The following AOAH variants were observed in gnomAD, a reference collection of about 807,000 sequenced individuals.
AOAH encodes acyloxyacyl hydrolase (neutrophil).
A neutral mutation model predicts 92.2 loss-of-function variants in AOAH; 64 were observed. The observed-to-expected ratio is 0.69, with a 90% CI of 0.57 to 0.86. The LOEUF is 0.86. Among genes scored for constraint, AOAH ranks in the 40% least tolerant of loss-of-function variants. The pLI, the probability that AOAH is intolerant of heterozygous loss-of-function variation, is 0.00. For missense variants in AOAH, 656 were observed against 694.6 expected (o/e 0.94, Z 0.62); for synonymous variants, 263 against 254.5 (o/e 1.03, Z -0.32).
chr7:36,557,512 C>T (rs1402453078), intron 13 of AOAH, among the ~76,000 whole-genome samples: 1 of 152,062 alleles, frequency 6.6e-6, no homozygotes, highest in Non-Finnish European at 1.5e-5. Flanking sequence ...TCTGTATTTC[C>T]TGAATCTGAA....
intron 20 of AOAH, among the ~76,000 whole-genome samples, chr7:36,519,151 C>T (rs1783979340): frequency 6.6e-6 from 1 of 152,216 alleles, no homozygotes; most frequent in Non-Finnish European, 1.5e-5. Context: ...TGAGAACATC[C>T]AGTGGCTCCC....
At chr7:36,513,417 A>G in intron 20 of AOAH, 37 bp from the exon 21 acceptor site, 1 of 1,598,220 alleles carries the variant, frequency 6.3e-7, no homozygotes, top group South Asian at 1.1e-5. Flanking sequence ...GAAAAGGGAA[A>G]TTAGGACAAA....
At chr7:36,617,226 T>C (rs1021616417) in intron 10 of AOAH, among the ~76,000 whole-genome samples, 1 of 152,200 alleles carries the variant, frequency 6.6e-6, no homozygotes, top group Middle Eastern at 3.2e-3. Context: ...TGGAAACCAC[T>C]ATTTGGCCAC....
Position 36,724,048 on chromosome 7 carries a change from C to G in AOAH, c.101G>C (p.Ser34Thr). 1 of 1,613,662 alleles carries G rather than the reference C, an allele frequency of 6.2e-7. No individual in the cohort carries two copies. The highest frequency in any genetic ancestry group is 1.1e-5 in the South Asian group (1 of 91,064). Residue 34 changes from serine (S) to threonine (T), a missense_variant, in exon 1 of 21, where the codon AGC (serine) becomes ACC (threonine). Coordinates refer to ENST00000617537, the MANE Select transcript of AOAH (RefSeq NM_001637.4). ...SPANDDQSRPSLSNGHTCVGC... is the reference protein window; with the variant it reads ...SPANDDQSRPTLSNGHTCVGC... ...TACACAGGTGTGCCCATTCGAGAGG[C>G]TGGGCCTGGACTGGTCATCGTTGGC... is the stretch of plus-strand genomic sequence containing the variant.
chr7:36,616,511 C>G (rs780268499), intron 10 of AOAH, 37 bp from the exon 11 acceptor site: 1 of 1,577,906 alleles, frequency 6.3e-7, no homozygotes, highest in Non-Finnish European at 8.7e-7. Context: ...TTTATGCACT[C>G]AAGTAGTTTG....
At position 36,694,852 on chromosome 7, in the gene AOAH, G is replaced by A. The variant is rs557882087; in HGVS notation, c.128-8058C>T. Among the ~76,000 whole-genome samples, 100 of 152,256 alleles carry A rather than the reference G, an allele frequency of 6.6e-4. 1 individual carries two copies. The highest frequency in any genetic ancestry group is 2.1e-3 in the African/African-American group (89 of 41,560). Reference sequence around the variant, plus strand: ...ATGATAGAAAAATGAATGGATGAGTGGATGGATAGATTGATGGATGAATGG... The same window carrying A: ...ATGATAGAAAAATGAATGGATGAGTAGATGGATAGATTGATGGATGAATGG... On this transcript the variant is annotated intron_variant, in intron 1 of 20. Transcript: ENST00000617537.
rs370043890 is a variant in AOAH at position 36,636,303 on chromosome 7, C to T, written c.450+1548G>A. On this transcript the variant is annotated intron_variant, in intron 5 of 20. Transcript: ENST00000617537. Reference sequence around the variant, plus strand: ...GTAGAATTTTTTTTTTCACTTCTCGCGAGTAATTGTTGGAATCCTGCCCCG... The same window carrying T: ...GTAGAATTTTTTTTTTCACTTCTCGTGAGTAATTGTTGGAATCCTGCCCCG... 1.2e-3 allele frequency among the ~76,000 whole-genome samples: 177 copies of T among 151,884 alleles called. 1 individual carries two copies. Among genetic ancestry groups the T allele is most frequent in the East Asian group, 6.4e-3 (33 of 5,174 alleles).
Position 36,514,640 on chromosome 7 carries a change from A to C in AOAH, c.1600-1260T>G, listed in dbSNP as rs371447711. The stretch of plus-strand genomic sequence containing the variant: ...AAATGGGACCTGGCCAGGCCTGCAG[A>C]CTCCAGATGGCTCCATCTCAACAGT... On this transcript the variant is annotated intron_variant, in intron 20 of 20. Transcript: ENST00000617537. 2.8e-5 allele frequency: 36 copies of C among 1,303,232 alleles called. No homozygotes were observed. In the African/African-American group the frequency reaches 4.4e-4, roughly 16 times the overall value. 80.7% of individuals were successfully genotyped at this position (1,303,232 alleles called of 1,614,324 possible). A position where few individuals can be genotyped will look rare whatever the true frequency, so the allele number is the denominator to read the frequency against.
intron 5 of AOAH, among the ~76,000 whole-genome samples, chr7:36,636,985 C>T (rs1427038316): frequency 6.6e-6 from 1 of 152,166 alleles, no homozygotes; most frequent in Non-Finnish European, 1.5e-5. Context: ...CCTCCCATTG[C>T]CCATTGCTGA....
chr7:36,645,311 C>T (rs532677377), intron 4 of AOAH, among the ~76,000 whole-genome samples: 53 of 152,262 alleles, frequency 3.5e-4, no homozygotes, highest in African/African-American at 1.2e-3. Context: ...GGTCTGCAGC[C>T]AAGAAGAGGT....
chr7:36,667,501 C>A (rs572301808), intron 3 of AOAH, among the ~76,000 whole-genome samples: 1 of 152,300 alleles, frequency 6.6e-6, no homozygotes, highest in African/African-American at 2.4e-5. Flanking sequence ...TAGGAAAAAA[C>A]ATAGTATATA....
intron 2 of AOAH, among the ~76,000 whole-genome samples, chr7:36,674,698 A>T (rs976237908): frequency 1.3e-5 from 2 of 152,192 alleles, no homozygotes; most frequent in Admixed American, 1.3e-4. Context: ...AATTCAACTC[A>T]GGATCTTAGC....
Position 36,540,379 on chromosome 7 carries a change from A to G in AOAH, c.1246T>C (p.Tyr416His), listed in dbSNP as rs757795394. Reference protein sequence around the residue: ...HLPNGSHVILYGLPDGTFLWD... With the variant: ...HLPNGSHVILHGLPDGTFLWD... Reference sequence around the variant, plus strand: ...AGAAAGGTTCCATCTGGTAAGCCATACAAAATAACATGGCTGCCATTGGGC... The same window carrying G: ...AGAAAGGTTCCATCTGGTAAGCCATGCAAAATAACATGGCTGCCATTGGGC... The change falls in exon 16 of 21, where the codon TAT becomes CAT. Residue 416 changes from tyrosine to histidine, a missense_variant. Physicochemically the swap from Tyr to His is moderately conservative, Grantham distance 83. Transcript: ENST00000617537. 34 of 1,613,978 alleles carry G rather than the reference A, an allele frequency of 2.1e-5. No individual in the cohort carries two copies. The highest frequency in any genetic ancestry group is 2.7e-5 in the Non-Finnish European group (32 of 1,179,954).
intron 1 of AOAH, among the ~76,000 whole-genome samples, chr7:36,709,941 T>A (rs114360168): frequency 7.6e-4 from 116 of 152,364 alleles, no homozygotes; most frequent in African/African-American, 2.7e-3. Context: ...ATTTCTATTA[T>A]GTATTCATGT....
At chr7:36,532,430 C>A in intron 16 of AOAH, 86 bp from the exon 17 acceptor site, 1 of 1,224,990 alleles carries the variant, frequency 8.2e-7, no homozygotes, top group Non-Finnish European at 1.2e-6. Flanking sequence ...GCCTCCCTTG[C>A]AGAAAGTCAC....
intron 15 of AOAH, among the ~76,000 whole-genome samples, chr7:36,548,158 G>T (rs1351959531): frequency 2.6e-5 from 4 of 152,212 alleles, no homozygotes; most frequent in Non-Finnish European, 2.9e-5. Flanking sequence ...CAGCGTGACA[G>T]ATTGGTACTG....
At chr7:36,661,537 G>C (rs1056410308) in intron 3 of AOAH, among the ~76,000 whole-genome samples, 2 of 152,100 alleles carry the variant, frequency 1.3e-5, no homozygotes, top group Non-Finnish European at 2.9e-5. Flanking sequence ...TGTGCCCTAG[G>C]TTCTTATAAT....
chr7:36,663,490 C>A (rs1196273810), intron 3 of AOAH, among the ~76,000 whole-genome samples: 7 of 152,280 alleles, frequency 4.6e-5, no homozygotes, highest in African/African-American at 1.7e-4. Flanking sequence ...CCATCCTAAC[C>A]CCTGGTAACC....
At chr7:36,587,164 C>T (rs528601104) in intron 12 of AOAH, among the ~76,000 whole-genome samples, 43 of 149,656 alleles carry the variant, frequency 2.9e-4, no homozygotes, top group African/African-American at 6.9e-4. Context: ...CCCAGCTACT[C>T]GGGAGGCTGA....
Sources: allele counts gnomAD v4.1 joint callset (sites outside exome capture counted in the v4.1 genomes callset), GRCh38; gene constraint gnomAD v4.1.1; transcripts MANE v1.5; gene names NCBI Gene and HGNC (gene_info 2026-07-23, HGNC 2026-07-21).